COL23A1: variants seen among roughly 807,000 people sequenced by gnomAD.
The protein encoded by COL23A1 is collagen alpha-1(XXIII) chain.
A neutral mutation model predicts 99.3 loss-of-function variants in COL23A1; 97 were observed. That is an observed-to-expected ratio of 0.98 (90% CI 0.83 to 1.16). COL23A1 has a LOEUF of 1.16. Ranked by LOEUF, COL23A1 falls within the 50% of genes most tolerant of loss-of-function variation. COL23A1 has a pLI of 0.00. For missense variants in COL23A1, 762 were observed against 757.4 expected (o/e 1.01, Z -0.07); for synonymous variants, 320 against 308.2 (o/e 1.04, Z -0.40).
intron 2 of COL23A1, among the ~76,000 whole-genome samples, chr5:178,394,441 A>C (rs983205566): frequency 6.6e-6 from 1 of 151,990 alleles, no homozygotes; most frequent in Non-Finnish European, 1.5e-5. Context: ...CTCTCAGCTC[A>C]CTCCCTGAAG....
intron 25 of COL23A1, among the ~76,000 whole-genome samples, chr5:178,243,586 C>T (rs1165834089): frequency 1.3e-5 from 2 of 151,800 alleles, no homozygotes; most frequent in African/African-American, 2.4e-5. Context: ...GTGCTGATGA[C>T]AGTCAATGCT....
chr5:178,280,161 G>GA lies in COL23A1; in HGVS notation c.441+8162dup, dbSNP rs1452196857. On this transcript the variant is annotated intron_variant, in intron 5 of 28. Coordinates refer to ENST00000390654, the MANE Select transcript of COL23A1 (RefSeq NM_173465.4). The surrounding 1 kb of genome is among the most constrained non-coding windows in gnomAD (Gnocchi z 4.9). The stretch of plus-strand genomic sequence containing the variant: ...CACTAGAGGGCGCGCTTGACCTGCC[G>GA]AAGGCTGCCTCCAGCCCTGGCGGAC... Among the ~76,000 whole-genome samples the GA allele has an allele frequency of 6.6e-6, 1 of 152,228 alleles. No homozygotes were observed. Among genetic ancestry groups the GA allele is most frequent in the Non-Finnish European group, 1.5e-5 (1 of 68,042 alleles).
At chr5:178,256,229 TA>T in intron 15 of COL23A1, 123 bp downstream of exon 15, 1 of 614,536 alleles carries the variant, frequency 1.6e-6, no homozygotes, top group South Asian at 5.2e-5. Context: ...GTTTAAAAAG[TA>T]AAATACTCCC....
chr5:178,247,347 T>C (rs779196737), intron 22 of COL23A1, among the ~76,000 whole-genome samples, 179 bp downstream of exon 22: 1 of 152,024 alleles, frequency 6.6e-6, no homozygotes, highest in African/African-American at 2.4e-5. Flanking sequence ...GAGGGGGGCA[T>C]TGGCCTCAAC....
At chr5:178,260,796 A>G (rs1765584192) in intron 11 of COL23A1, among the ~76,000 whole-genome samples, 3 of 151,990 alleles carry the variant, frequency 2.0e-5, no homozygotes, top group Non-Finnish European at 4.4e-5. Context: ...CTCCATCTCA[A>G]AAAAAAAGAT....
chr5:178,444,774 C>T (rs955403347), intron 2 of COL23A1, among the ~76,000 whole-genome samples: 2 of 151,980 alleles, frequency 1.3e-5, no homozygotes, highest in African/African-American at 2.4e-5. Context: ...CCAACCTGGG[C>T]GACAGAGTGA....
intron 2 of COL23A1, among the ~76,000 whole-genome samples, chr5:178,329,317 A>G (rs556612557): frequency 2.0e-5 from 3 of 152,134 alleles, no homozygotes; most frequent in Non-Finnish European, 4.4e-5. Flanking sequence ...CATTGCTCAG[A>G]CAACTGGACG....
intron 2 of COL23A1, among the ~76,000 whole-genome samples, chr5:178,348,530 C>T (rs1339394225): frequency 6.6e-6 from 1 of 152,196 alleles, no homozygotes; most frequent in Non-Finnish European, 1.5e-5. Flanking sequence ...CTCAGGGCTC[C>T]GAACGGCGCT....
chr5:178,517,604 C>G (rs1317198016), intron 2 of COL23A1, among the ~76,000 whole-genome samples: 1 of 135,162 alleles, frequency 7.4e-6, no homozygotes, highest in African/African-American at 3.0e-5. Context: ...CTCTGTCGCC[C>G]AGTCTGGAAT....
chr5:178,583,460 C>T (rs1290322240), intron 1 of COL23A1, among the ~76,000 whole-genome samples: 1 of 152,232 alleles, frequency 6.6e-6, no homozygotes, highest in Non-Finnish European at 1.5e-5. Context: ...GTCCCTAGAG[C>T]TCCAGTGGGG....
intron 2 of COL23A1, among the ~76,000 whole-genome samples, chr5:178,383,960 A>G (rs1356752531): frequency 6.6e-6 from 1 of 152,166 alleles, no homozygotes; most frequent in East Asian, 1.9e-4. Flanking sequence ...GAGAAGATCA[A>G]AATGGAAACC....
intron 2 of COL23A1, among the ~76,000 whole-genome samples, chr5:178,548,141 C>G (rs983326415): frequency 6.9e-6 from 1 of 145,180 alleles, no homozygotes; most frequent in Non-Finnish European, 1.5e-5. Flanking sequence ...AACAAAGAGG[C>G]CTGCTGGACT....
At chr5:178,345,239 C>T (rs1760894767) in intron 2 of COL23A1, 2 of 841,752 alleles carry the variant, frequency 2.4e-6, no homozygotes, top group Non-Finnish European at 1.9e-6. Context: ...CTATAATGTC[C>T]CTATTCAAGA....
chr5:178,268,057 G>A (rs948767838), intron 7 of COL23A1, among the ~76,000 whole-genome samples: 4 of 152,188 alleles, frequency 2.6e-5, no homozygotes, highest in South Asian at 2.1e-4. Context: ...GTGGTTGGGC[G>A]GGAACCCTGC....
chr5:178,552,616 A>G (rs2113484245), intron 2 of COL23A1, among the ~76,000 whole-genome samples: 1 of 152,022 alleles, frequency 6.6e-6, no homozygotes, highest in South Asian at 2.1e-4. Flanking sequence ...CACCCCTGTA[A>G]TCCCAGCACT....
At chr5:178,375,442 C>T (rs1004589726) in intron 2 of COL23A1, among the ~76,000 whole-genome samples, 12 of 152,222 alleles carry the variant, frequency 7.9e-5, no homozygotes, top group African/African-American at 2.7e-4. Flanking sequence ...CCTGTAAGAA[C>T]CTAAATCAGA....
chr5:178,248,149 A>G (rs1764812903), intron 20 of COL23A1, 43 bp downstream of exon 20: 3 of 1,377,728 alleles, frequency 2.2e-6, no homozygotes, highest in Non-Finnish European at 3.1e-6. Context: ...CCCAGCCTGG[A>G]CTGGGTGTTG....
chr5:178,501,082 TA>T (rs1340905028), intron 2 of COL23A1, among the ~76,000 whole-genome samples: 2 of 152,112 alleles, frequency 1.3e-5, no homozygotes, highest in Non-Finnish European at 2.9e-5. Flanking sequence ...TATGCACAAA[TA>T]AAAGCCCAGG....
Position 178,408,725 on chromosome 5 carries a change from C to T in COL23A1, c.362-101806G>A, listed in dbSNP as rs1429125962. 2.6e-5 allele frequency among the ~76,000 whole-genome samples: 4 copies of T among 152,130 alleles called. No homozygotes were observed. The East Asian group carries it at 7.7e-4, about 29-fold the overall frequency. On this transcript the variant is annotated intron_variant, in intron 2 of 28. Transcript: ENST00000390654. Reference sequence around the variant, plus strand: ...ATCCCAGCACTTTGGGAGGCGGAGGCAGGCAGATCACCTGAGGTAAGGAGT... The same window carrying T: ...ATCCCAGCACTTTGGGAGGCGGAGGTAGGCAGATCACCTGAGGTAAGGAGT...
Sources: gnomAD v4.1 joint callset for allele counts (sites outside exome capture counted in the v4.1 genomes callset) on GRCh38, gnomAD v4.1.1 for gene constraint, Gnocchi (gnomAD v3.1) non-coding constraint, MANE v1.5 for transcripts, NCBI Gene and HGNC (gene_info 2026-07-23, HGNC 2026-07-21) for gene names.